Variants in SYT7 observed in about 807,000 individuals in gnomAD.
SYT7 encodes the protein synaptotagmin 7, also known as synaptotagmin-7.
In SYT7, 29 loss-of-function variants were observed where a neutral mutation model predicts 75.1. That is an observed-to-expected ratio of 0.39 (90% CI 0.29 to 0.53). The LOEUF (loss-of-function observed/expected upper bound fraction) is 0.53. Among genes scored for constraint, SYT7 ranks in the 20% least tolerant of loss-of-function variants. SYT7 has a pLI of 0.77. For missense variants in SYT7, 693 were observed against 953.2 expected, an observed-to-expected ratio of 0.73 and a Z score of 3.59; for synonymous variants, 376 against 401.7, an observed-to-expected ratio of 0.94 and a Z score of 0.76.
chr11:61,547,551 C>T (rs929836379), intron 3 of SYT7, among the ~76,000 whole-genome samples: 13 of 152,018 alleles, frequency 8.6e-5, no homozygotes, highest in Non-Finnish European at 1.5e-4. Flanking sequence ...CGCACGCACT[C>T]GAGGGCCGGG....
the SYT7 span, among the ~76,000 whole-genome samples, chr11:61,587,204 C>T: frequency 6.6e-6 from 1 of 152,336 alleles, no homozygotes; most frequent in South Asian, 2.1e-4. Flanking sequence ...TAATGGGGGC[C>T]TCCCAGCGCT....
At chr11:61,581,833 GGGTA>G (rs1182472974), upstream of SYT7, among the ~76,000 whole-genome samples, 2 of 152,110 alleles carry the variant, frequency 1.3e-5, no homozygotes, top group African/African-American at 2.4e-5. Flanking sequence ...GCACTTCGGA[GGGTA>G]GGAAGGAAAT....
At chr11:61,571,851 G>GGC (rs2063930121) in intron 1 of SYT7, among the ~76,000 whole-genome samples, 1 of 152,172 alleles carries the variant, frequency 6.6e-6, no homozygotes, top group African/African-American at 2.4e-5. Flanking sequence ...GGCCCTCTCT[G>GGC]TCATTGCCAG....
At position 61,580,687 on chromosome 11, in the gene SYT7, G is replaced by A. The variant is rs1052406442; in HGVS notation, c.31+103C>T. 6 of 804,006 alleles carry A rather than the reference G, an allele frequency of 7.5e-6. No homozygotes were observed. The highest frequency in any genetic ancestry group is 9.9e-6 in the Non-Finnish European group (6 of 608,826). The allele number at this position is 804,006 out of a possible 1,614,324, so 49.8% of individuals were successfully genotyped here. ...CCCCTGGGGGAGCCCGTGCGGCTCCGGGCGGACAACAGCCCCAGGCTGGGG... is the reference window on the plus strand; with the variant it reads ...CCCCTGGGGGAGCCCGTGCGGCTCCAGGCGGACAACAGCCCCAGGCTGGGG... On this transcript the variant is annotated intron_variant, in intron 1 of 12. Transcript: ENST00000539008. This position sits in a 1 kb window ranked among gnomAD's most constrained non-coding sequence, Gnocchi z 6.1.
intron 3 of SYT7, among the ~76,000 whole-genome samples, chr11:61,548,671 AC>A (rs1489436709): frequency 1.3e-5 from 2 of 152,022 alleles, no homozygotes; most frequent in African/African-American, 4.8e-5. Context: ...GCGGGGGCAC[AC>A]CCCACCCCCC....
rs758801464 is a variant in SYT7, at chr11:61,527,874, C to T, written c.1471+41G>A. 6 of 1,605,758 alleles carry T rather than the reference C, an allele frequency of 3.7e-6. No individual in the cohort carries two copies. In the South Asian group the frequency reaches 6.7e-5, roughly 18 times the overall value. ...GGTTGGGTAGGGGGATGGTAGACAGCAAGAGGTGACCATGGCGGGGGAAGG... is the reference window on the plus strand; with the variant it reads ...GGTTGGGTAGGGGGATGGTAGACAGTAAGAGGTGACCATGGCGGGGGAAGG... On this transcript the variant is annotated intron_variant, in intron 9 of 12. Transcript: ENST00000539008.
chr11:61,573,029 C>T (rs1348563593), intron 1 of SYT7, among the ~76,000 whole-genome samples: 1 of 152,244 alleles, frequency 6.6e-6, no homozygotes. Context: ...TAACCAGGCC[C>T]CGCTGTGAAT....
chr11:61,523,953 G>A lies in SYT7; in HGVS notation c.1642-12C>T, dbSNP rs374727431. 101 of 1,611,938 alleles carry A rather than the reference G, an allele frequency of 6.3e-5. 1 individual carries two copies. Among genetic ancestry groups the A allele is most frequent in the Middle Eastern group, 4.9e-4 (3 of 6,078 alleles). ...TCCCCTCGGCTCCCCTGGGAGGCAC[G>A]ACAGGAGGGGTGTGGGGAACTAGGC... On this transcript the variant is annotated splice_polypyrimidine_tract_variant and intron_variant, in intron 10 of 12. Coordinates refer to ENST00000539008, the MANE Select transcript of SYT7 (RefSeq NM_001365809.2). The surrounding 1 kb of genome is among the most constrained non-coding windows in gnomAD (Gnocchi z 5.0).
rs1440865103 is a variant in SYT7, at chr11:61,556,172, T to C, written c.67A>G (p.Ile23Val). 2 of 1,614,008 alleles carry C rather than the reference T, an allele frequency of 1.2e-6. No homozygotes were observed. The highest frequency in any genetic ancestry group is 8.5e-7 in the Non-Finnish European group (1 of 1,179,952). Residue 23 changes from isoleucine to valine, a missense_variant, in exon 2 of 13, where the codon ATC becomes GTC. Ile to Val is a conservative substitution (Grantham distance 29, BLOSUM62 3). Around this residue, in one of 2 missense-constraint regions of SYT7, gnomAD observed 487 missense variants for 593.2 expected, o/e 0.82. Coordinates refer to ENST00000539008, the MANE Select transcript of SYT7 (RefSeq NM_001365809.2). ...GTGACGCTAAGGCTGACGGTGATGA[T>C]GGCAGAGACCAGCAGGACGTCGCGC... ...PSRDVLLVSA[I>V]ITVSLSVTVV... is the part of the protein sequence containing the mutation.
intron 12 of SYT7, among the ~76,000 whole-genome samples, chr11:61,520,595 C>T (rs745725019): frequency 1.3e-5 from 2 of 151,294 alleles, no homozygotes; most frequent in African/African-American, 2.4e-5. Context: ...GAGGCCAAGG[C>T]GGGCGGATTG....
intron 1 of SYT7, among the ~76,000 whole-genome samples, chr11:61,575,645 G>T (rs1427309022): frequency 6.6e-6 from 1 of 152,210 alleles, no homozygotes; most frequent in African/African-American, 2.4e-5. Flanking sequence ...TGTGGCAGGG[G>T]GTAGGCAGGG....
intron 1 of SYT7, among the ~76,000 whole-genome samples, chr11:61,563,465 T>C (rs1479416196): frequency 6.6e-6 from 1 of 152,194 alleles, no homozygotes; most frequent in Non-Finnish European, 1.5e-5. Flanking sequence ...ACATGCACCA[T>C]CTCCACAACC....
Position 61,514,843 on chromosome 11 carries a change from C to G in SYT7, c.*3784G>C, listed in dbSNP as rs2062113219. ...AGCCAACAGACACAGAGCTCATTGTCTTTCCTTTTCCCACCTCAGGGACCA... is the reference window on the plus strand; with the variant it reads ...AGCCAACAGACACAGAGCTCATTGTGTTTCCTTTTCCCACCTCAGGGACCA... On this transcript the variant is annotated 3_prime_UTR_variant, in exon 13 of 13. Coordinates refer to ENST00000539008, the MANE Select transcript of SYT7 (RefSeq NM_001365809.2). Among the ~76,000 whole-genome samples, 1 of 152,238 alleles carries G rather than the reference C, an allele frequency of 6.6e-6. No homozygotes were observed. Among genetic ancestry groups the G allele is most frequent in the Non-Finnish European group, 1.5e-5 (1 of 68,044 alleles).
chr11:61,562,419 G>A (rs2063661967), intron 1 of SYT7, among the ~76,000 whole-genome samples: 1 of 152,174 alleles, frequency 6.6e-6, no homozygotes, highest in African/African-American at 2.4e-5. Flanking sequence ...ATAGGACTAT[G>A]GTGAGGTTTA....
the SYT7 span, among the ~76,000 whole-genome samples, chr11:61,587,968 G>A: frequency 6.6e-6 from 1 of 152,246 alleles, no homozygotes; most frequent in Admixed American, 6.5e-5. Flanking sequence ...CCAACCCCAG[G>A]ATTGAGGCCC....
chr11:61,551,434 C>G lies in SYT7; in HGVS notation c.165G>C (p.Thr55=). The G allele has an allele frequency of 6.2e-7, 1 of 1,613,900 alleles. No homozygotes were observed. The highest frequency in any genetic ancestry group is 8.5e-7 in the Non-Finnish European group (1 of 1,179,940). ...LGKRYKNSLE[T]VGTPDSGRGR... ...CACGCCCTGAGTCTGGCGTGCCCAC[C>G]GTCTCCAAGGAATTCTTGTAGCGTT... The change falls in exon 3 of 13, where the codon ACG becomes ACC. Residue 55 remains threonine, a synonymous_variant. Transcript: ENST00000539008. This position sits in a 1 kb window ranked among gnomAD's most constrained non-coding sequence, Gnocchi z 5.3.
At chr11:61,571,969 C>T (rs1017891661) in intron 1 of SYT7, among the ~76,000 whole-genome samples, 3 of 152,238 alleles carry the variant, frequency 2.0e-5, no homozygotes, top group African/African-American at 7.2e-5. Context: ...GCACCCTTCA[C>T]CACCCTATCC....
At chr11:61,544,718 G>A (rs1297029510) in intron 5 of SYT7, among the ~76,000 whole-genome samples, 5 of 152,222 alleles carry the variant, frequency 3.3e-5, no homozygotes, top group Admixed American at 2.6e-4. Flanking sequence ...TGGATGGCAT[G>A]GAGGCCTAAC....
rs534358293 is a variant in SYT7 at position 61,534,461 on chromosome 11, G to A, written c.1065-1337C>T. Among the ~76,000 whole-genome samples the A allele has an allele frequency of 1.6e-3, 237 of 150,546 alleles. 2 individuals are homozygous for A. The highest frequency in any genetic ancestry group is 4.2e-3 in the African/African-American group (170 of 40,140). ...CACACGCACGCACACACGCACGTGCGTGCATATGTACACACACACATGCAC... is the reference window on the plus strand; with the variant it reads ...CACACGCACGCACACACGCACGTGCATGCATATGTACACACACACATGCAC... On this transcript the variant is annotated intron_variant, in intron 7 of 12. Transcript: ENST00000539008.
Sources: gnomAD v4.1 joint callset for allele counts (sites outside exome capture counted in the v4.1 genomes callset) on GRCh38, gnomAD v4.1.1 for gene constraint, gnomAD v4.1.1 regional missense constraint, Gnocchi (gnomAD v3.1) non-coding constraint, MANE v1.5 for transcripts, NCBI Gene and HGNC (gene_info 2026-07-23, HGNC 2026-07-21) for gene names.